Variants in PIK3C2G observed in about 807,000 individuals in gnomAD.
PIK3C2G encodes the protein phosphatidylinositol 3-kinase C2 domain-containing subunit gamma.
In PIK3C2G, 168 loss-of-function variants were observed where a neutral mutation model predicts 181.1. That is an observed-to-expected ratio of 0.93 (90% CI 0.82 to 1.05). The LOEUF (loss-of-function observed/expected upper bound fraction) is 1.05. Among genes scored for constraint, PIK3C2G ranks in the 50% least tolerant of loss-of-function variants. The pLI, the probability that PIK3C2G is intolerant of heterozygous loss-of-function variation, is 0.00. For synonymous variants in PIK3C2G, 573 were observed against 592.2 expected (o/e 0.97, Z 0.47); for missense variants, 1,869 against 1,732.8 (o/e 1.08, Z -1.40).
Position 18,521,211 on chromosome 12 carries a change from G to T in PIK3C2G, c.3323+15750G>T, listed in dbSNP as rs532245979. Among the ~76,000 whole-genome samples, 15 of 152,280 alleles carry T rather than the reference G, an allele frequency of 9.9e-5. 1 individual carries two copies. Among genetic ancestry groups the T allele is most frequent in the African/African-American group, 3.6e-4 (15 of 41,546 alleles). Reference sequence around the variant, plus strand: ...GGGTGTCTGACAACCTCTGTTGGAGGGTCTCACCCAGTTGGGTGGCATGGG... The same window carrying T: ...GGGTGTCTGACAACCTCTGTTGGAGTGTCTCACCCAGTTGGGTGGCATGGG... On this transcript the variant is annotated intron_variant, in intron 24 of 32. Coordinates refer to ENST00000538779, the MANE Select transcript of PIK3C2G (RefSeq NM_001288772.2).
At chr12:18,521,561 G>C (rs115220357) in intron 24 of PIK3C2G, among the ~76,000 whole-genome samples, 2,826 of 152,312 alleles carry the variant, frequency 0.019, 102 homozygotes, top group African/African-American at 0.064. Context: ...GTTGGGCTGT[G>C]GGGTATACCT....
At chr12:18,655,808 CT>C in the PIK3C2G span, among the ~76,000 whole-genome samples, 1 of 92,894 alleles carries the variant, frequency 1.1e-5, no homozygotes, top group African/African-American at 4.1e-5. Context: ...CTACCAAATA[CT>C]TGACTAGTAC....
chr12:18,461,313 C>T (rs1047443673), intron 18 of PIK3C2G, among the ~76,000 whole-genome samples: 1 of 152,026 alleles, frequency 6.6e-6, no homozygotes, highest in African/African-American at 2.4e-5. Context: ...TAACCAAACC[C>T]CTGTTGTTGG....
intron 5 of PIK3C2G, among the ~76,000 whole-genome samples, chr12:18,300,992 G>T (rs1950150953): frequency 6.6e-6 from 1 of 151,986 alleles, no homozygotes. Flanking sequence ...GTTGAGAGTG[G>T]TTTCTTTTTT....
At chr12:18,508,279 G>T (rs920478517) in intron 24 of PIK3C2G, among the ~76,000 whole-genome samples, 1 of 152,080 alleles carries the variant, frequency 6.6e-6, no homozygotes, top group African/African-American at 2.4e-5. Flanking sequence ...TGATACATTT[G>T]CTCTAAGTTT....
At chr12:18,338,332 T>C in intron 8 of PIK3C2G, 94 bp from the exon 9 acceptor site, 1 of 969,346 alleles carries the variant, frequency 1.0e-6, no homozygotes, top group East Asian at 2.5e-5. Context: ...TTTATTCCAC[T>C]TGCTCCTCAT....
At chr12:18,650,342 T>C (rs1264607615), downstream of PIK3C2G, among the ~76,000 whole-genome samples, 5 of 134,610 alleles carry the variant, frequency 3.7e-5, no homozygotes, top group African/African-American at 1.2e-4. Context: ...TATATATATA[T>C]ATATATGTGT....
intron 6 of PIK3C2G, 102 bp from the exon 7 acceptor site, chr12:18,320,860 A>G (rs981846065): frequency 1.3e-5 from 9 of 684,576 alleles, no homozygotes; most frequent in Non-Finnish European, 2.1e-5. Flanking sequence ...GAGGTTTATC[A>G]AAATAGGTGA....
chr12:18,333,018 G>T (rs1000179642), intron 8 of PIK3C2G, among the ~76,000 whole-genome samples: 10 of 152,050 alleles, frequency 6.6e-5, no homozygotes, highest in Admixed American at 5.2e-4. Flanking sequence ...CTCACACCTG[G>T]CCTTTAAAAA....
intron 18 of PIK3C2G, among the ~76,000 whole-genome samples, chr12:18,478,706 G>A (rs956120976): frequency 1.3e-5 from 2 of 152,122 alleles, no homozygotes; most frequent in African/African-American, 2.4e-5. Flanking sequence ...GGCTGGGCAT[G>A]GTGGCTCATG....
At chr12:18,418,329 A>G (rs1405832863) in intron 16 of PIK3C2G, among the ~76,000 whole-genome samples, 1 of 152,088 alleles carries the variant, frequency 6.6e-6, no homozygotes. Context: ...GAACTAAGGG[A>G]GGGTTTTCCA....
chr12:18,500,636 C>G (rs569974734), intron 22 of PIK3C2G, among the ~76,000 whole-genome samples: 1 of 152,182 alleles, frequency 6.6e-6, no homozygotes, highest in Non-Finnish European at 1.5e-5. Context: ...GAACCTTTAC[C>G]TCTACCTCAG....
At chr12:18,486,461 TAA>T (rs1940044576) in intron 18 of PIK3C2G, among the ~76,000 whole-genome samples, 1 of 152,078 alleles carries the variant, frequency 6.6e-6, no homozygotes, top group African/African-American at 2.4e-5. Flanking sequence ...GAATAAGGAA[TAA>T]GAGTATTATA....
At chr12:18,680,302 A>G in the PIK3C2G span, among the ~76,000 whole-genome samples, 1 of 152,038 alleles carries the variant, frequency 6.6e-6, no homozygotes, top group Non-Finnish European at 1.5e-5. Flanking sequence ...TGAGATTTAC[A>G]CAAAGATTTT....
intron 18 of PIK3C2G, among the ~76,000 whole-genome samples, chr12:18,431,256 AC>A (rs1946143313): frequency 2.0e-5 from 3 of 152,202 alleles, no homozygotes; most frequent in Non-Finnish European, 4.4e-5. Flanking sequence ...CATTAATGTG[AC>A]AAACATAGAG....
At chr12:18,613,924 T>C (rs1185545777) in intron 31 of PIK3C2G, among the ~76,000 whole-genome samples, 1 of 152,076 alleles carries the variant, frequency 6.6e-6, no homozygotes, top group Non-Finnish European at 1.5e-5. Context: ...AACTGAGGGT[T>C]GTGAAAATAA....
the PIK3C2G span, among the ~76,000 whole-genome samples, chr12:18,721,041 G>A: frequency 1.2e-3 from 185 of 152,128 alleles, no homozygotes; most frequent in South Asian, 3.7e-3. Context: ...ATAAATTTAG[G>A]AAGATAGAAG....
At chr12:18,312,139 T>C (rs1445981950) in intron 5 of PIK3C2G, among the ~76,000 whole-genome samples, 1 of 152,060 alleles carries the variant, frequency 6.6e-6, no homozygotes, top group Non-Finnish European at 1.5e-5. Context: ...CAGACTCAAA[T>C]GTTAATCATT....
rs1386084162 is a variant in PIK3C2G at position 18,325,056 on chromosome 12, C to T, written c.1230C>T (p.Ile410=). 6.4e-7 allele frequency: 1 copy of T among 1,574,756 alleles called. No individual in the cohort carries two copies. Among genetic ancestry groups the T allele is most frequent in the South Asian group, 1.1e-5 (1 of 88,382 alleles). ...CCAGACAATGTCTCTTAACACTCAT[C>T]AGAAAATATGACTTCCACCTGAAAT... is the stretch of plus-strand genomic sequence containing the variant. The part of the protein sequence containing the change: ...KVSRQCLLTL[I]RKYDFHLKYL... The change falls in exon 8 of 33, where the codon ATC becomes ATT. Residue 410 remains isoleucine, a synonymous_variant. Transcript: ENST00000538779.
Sources: gnomAD v4.1 joint callset for allele counts (sites outside exome capture counted in the v4.1 genomes callset) on GRCh38, gnomAD v4.1.1 for gene constraint, MANE v1.5 for transcripts, NCBI Gene and HGNC (gene_info 2026-07-23, HGNC 2026-07-21) for gene names.